The following LARP4 variants were observed in gnomAD, a reference collection of about 807,000 sequenced individuals.
LARP4 encodes La ribonucleoprotein 4.
In LARP4, 29 loss-of-function variants were observed where a neutral mutation model predicts 92.9. The observed-to-expected ratio is 0.31, with a 90% CI of 0.23 to 0.43. The LOEUF (loss-of-function observed/expected upper bound fraction) is 0.43. LARP4 is among the 20% of genes least tolerant of loss of function. The pLI, the probability that LARP4 is intolerant of heterozygous loss-of-function variation, is 1.00. For synonymous variants in LARP4, 279 were observed against 284.1 expected (o/e 0.98, Z 0.18); for missense variants, 732 against 860.0 (o/e 0.85, Z 1.86).
chr12:50,451,791 C>T (rs537128377), intron 8 of LARP4, among the ~76,000 whole-genome samples: 3 of 151,702 alleles, frequency 2.0e-5, no homozygotes, highest in African/African-American at 4.8e-5. Context: ...GAGCTGAGAT[C>T]GTGTCATTGC....
rs2137369842 is a variant in LARP4, at chr12:50,435,468, G to A, written c.399-20G>A. Reference sequence around the variant, plus strand: ...CTTTTTAATAATTGCTTGTTTTATAGGACTATTTTGTTTTTTCAGAGAAAA... The same window carrying A: ...CTTTTTAATAATTGCTTGTTTTATAAGACTATTTTGTTTTTTCAGAGAAAA... On this transcript the variant is annotated intron_variant, in intron 4 of 15. Transcript: ENST00000398473. 3 of 1,234,844 alleles carry A rather than the reference G, an allele frequency of 2.4e-6. No individual in the cohort carries two copies. The highest frequency in any genetic ancestry group is 1.3e-5 in the South Asian group (1 of 79,136). The allele number at this position is 1,234,844 out of a possible 1,614,324, so 76.5% of individuals were successfully genotyped here. A position where few individuals can be genotyped will look rare whatever the true frequency, so the allele number is the denominator to read the frequency against.
chr12:50,434,872 G>A (rs1308375892), intron 4 of LARP4, among the ~76,000 whole-genome samples: 2 of 151,910 alleles, frequency 1.3e-5, no homozygotes, highest in Admixed American at 6.6e-5. Flanking sequence ...GTGAAACCCC[G>A]TCTGTACTAA....
chr12:50,427,042 G>A (rs1188895628), intron 1 of LARP4, among the ~76,000 whole-genome samples: 1 of 152,038 alleles, frequency 6.6e-6, no homozygotes, highest in African/African-American at 2.4e-5. Context: ...CCTGCCTCAA[G>A]AGATTACCTT....
chr12:50,417,180 T>C (rs942095623), intron 1 of LARP4, among the ~76,000 whole-genome samples: 13 of 151,674 alleles, frequency 8.6e-5, no homozygotes, highest in African/African-American at 3.1e-4. Context: ...GAGGCCGAGG[T>C]GGGTGGATAA....
rs1295035402 is a variant in LARP4 at position 50,462,434 on chromosome 12, C to T, written c.1335-148C>T. 2.4e-5 allele frequency: 14 copies of T among 579,814 alleles called. No individual in the cohort carries two copies. In the Middle Eastern group the frequency reaches 8.2e-4, roughly 34 times the overall value. 35.9% of individuals were successfully genotyped at this position (579,814 alleles called of 1,614,324 possible). A position where few individuals can be genotyped will look rare whatever the true frequency, so the allele number is the denominator to read the frequency against. On this transcript the variant is annotated intron_variant, in intron 11 of 15. Transcript: ENST00000398473. ...GGCAGTTCGTAGTGAGCCGAGATCG[C>T]GCCACTGCACTCCAGCCTGGCGACA...
Position 50,453,554 on chromosome 12 carries a change from A to C in LARP4, c.899A>C (p.Gln300Pro), listed in dbSNP as rs770883830. Residue 300 changes from glutamine to proline, a missense_variant, in exon 9 of 16, where the codon CAG (glutamine) becomes CCG (proline). Gln to Pro is a moderately conservative substitution (Grantham distance 76). Transcript: ENST00000398473. ...AGTCACCCCATTCAAACTCAAGCAC[A>C]GTATGCCTCCCCAGTCTTTATGCAG... ...IYSHPIQTQA[Q>P]YASPVFMQPV... 6.2e-6 allele frequency: 10 copies of C among 1,612,788 alleles called. No homozygotes were observed. Among genetic ancestry groups the C allele is most frequent in the Non-Finnish European group, 6.8e-6 (8 of 1,178,894 alleles).
intron 6 of LARP4, among the ~76,000 whole-genome samples, chr12:50,438,509 T>G: frequency 6.7e-6 from 1 of 148,236 alleles, no homozygotes. Flanking sequence ...AAAAAAGGGA[T>G]TAAGGAGGCA....
chr12:50,433,113 T>C (rs532804982), intron 4 of LARP4, among the ~76,000 whole-genome samples: 216 of 152,204 alleles, frequency 1.4e-3, no homozygotes, highest in African/African-American at 5.1e-3. Context: ...CACATACTTA[T>C]ACACAACTGC....
At chr12:50,403,599 A>G (rs1944273395) in intron 1 of LARP4, among the ~76,000 whole-genome samples, 1 of 152,230 alleles carries the variant, frequency 6.6e-6, no homozygotes, top group Non-Finnish European at 1.5e-5. Context: ...TTGGACTACT[A>G]AAGAGGTCTG....
At chr12:50,474,641 C>T (rs1957351099) in intron 15 of LARP4, among the ~76,000 whole-genome samples, 1 of 152,230 alleles carries the variant, frequency 6.6e-6, no homozygotes, top group African/African-American at 2.4e-5. Context: ...GCCACCGCGC[C>T]TGGCCCATTC....
At chr12:50,430,156 G>A (rs1360908484) in intron 3 of LARP4, among the ~76,000 whole-genome samples, 1 of 151,938 alleles carries the variant, frequency 6.6e-6, no homozygotes, top group Non-Finnish European at 1.5e-5. Flanking sequence ...CCAGGAGTTT[G>A]AGAACAGTCT....
At chr12:50,450,984 C>T (rs1455335483) in intron 8 of LARP4, among the ~76,000 whole-genome samples, 2 of 152,136 alleles carry the variant, frequency 1.3e-5, no homozygotes, top group East Asian at 3.8e-4. Flanking sequence ...GGTTTCCTCA[C>T]CTTTTACAAT....
intron 2 of LARP4, 92 bp downstream of exon 2, chr12:50,428,001 T>C: frequency 1.1e-6 from 1 of 907,122 alleles, no homozygotes; most frequent in Non-Finnish European, 1.6e-6. Flanking sequence ...CTCTTTTTTT[T>C]TTTTTTTTTT....
chr12:50,462,446 C>T (rs1264359592), intron 11 of LARP4, 136 bp from the exon 12 acceptor site: 40 of 620,294 alleles, frequency 6.4e-5, no homozygotes, highest in Non-Finnish European at 7.8e-5. Context: ...CCACTGCACT[C>T]CAGCCTGGCG....
intron 1 of LARP4, among the ~76,000 whole-genome samples, chr12:50,408,554 T>A (rs539984469): frequency 6.6e-6 from 1 of 151,936 alleles, no homozygotes; most frequent in Non-Finnish European, 1.5e-5. Flanking sequence ...TAGAAAAGTC[T>A]GCAGTAATGC....
intron 3 of LARP4, 95 bp downstream of exon 3, chr12:50,429,185 T>G: frequency 1.2e-6 from 1 of 815,046 alleles, no homozygotes; most frequent in Non-Finnish European, 1.9e-6. Flanking sequence ...ACCTATGGCA[T>G]TATTTTCTTA....
At chr12:50,448,113 CCT>C (rs1952526703) in intron 8 of LARP4, among the ~76,000 whole-genome samples, 1 of 152,154 alleles carries the variant, frequency 6.6e-6, no homozygotes, top group African/African-American at 2.4e-5. Context: ...GATCCACGCG[CCT>C]CGGCCTTCCA....
At chr12:50,462,457 A>C (rs1955541221) in intron 11 of LARP4, 125 bp from the exon 12 acceptor site, 1 of 633,614 alleles carries the variant, frequency 1.6e-6, no homozygotes, top group Non-Finnish European at 2.7e-6. Context: ...CAGCCTGGCG[A>C]CAGAGCGAGA....
At chr12:50,404,095 C>T (rs977241095) in intron 1 of LARP4, among the ~76,000 whole-genome samples, 1 of 152,072 alleles carries the variant, frequency 6.6e-6, no homozygotes, top group African/African-American at 2.4e-5. Flanking sequence ...GAGGTGGTGG[C>T]ACACACCTGT....
Sources: allele counts gnomAD v4.1 joint callset (sites outside exome capture counted in the v4.1 genomes callset), GRCh38; gene constraint gnomAD v4.1.1; transcripts MANE v1.5; gene names NCBI Gene and HGNC (gene_info 2026-07-23, HGNC 2026-07-21).